The following SYCP2L variants were observed in gnomAD, a reference collection of about 807,000 sequenced individuals.
The protein encoded by SYCP2L is synaptonemal complex protein 2-like.
In SYCP2L, 98 loss-of-function variants were observed where a neutral mutation model predicts 125.8. The observed-to-expected ratio is 0.78, with a 90% CI of 0.66 to 0.92. The LOEUF is 0.92. Among genes scored for constraint, SYCP2L ranks in the 40% least tolerant of loss-of-function variants. The pLI is 0.00. For synonymous variants in SYCP2L, 317 were observed against 325.4 expected (o/e 0.97, Z 0.28); for missense variants, 842 against 936.4 (o/e 0.90, Z 1.32).
At chr6:10,946,212 G>T (rs567877011) in intron 23 of SYCP2L, among the ~76,000 whole-genome samples, 97 of 151,598 alleles carry the variant, frequency 6.4e-4, no homozygotes, top group Non-Finnish European at 9.9e-4. Context: ...TATTTTTATT[G>T]TATTTTTTAC....
In SYCP2L at chr6:10,891,659, G is replaced by GTA. The variant is rs1452122864; in HGVS notation, c.78+79_78+80insAT. On this transcript the variant is annotated intron_variant, in intron 2 of 29. Coordinates refer to ENST00000283141, the MANE Select transcript of SYCP2L (RefSeq NM_001040274.3). Reference sequence around the variant, plus strand: ...TGTGTGTGTGTGTGTGTGTGTGTGTGTGTGTATGTGTATATGAGTGTATGT... The same window carrying GTA: ...TGTGTGTGTGTGTGTGTGTGTGTGTGTATGTGTATGTGTATATGAGTGTATGT... 2,066 of 689,482 alleles carry GTA rather than the reference G, an allele frequency of 3.0e-3. 7 individuals carry two copies. Among genetic ancestry groups the GTA allele is most frequent in the East Asian group, 7.5e-3 (242 of 32,384 alleles). 42.7% of individuals were successfully genotyped at this position (689,482 alleles called of 1,614,324 possible).
At chr6:10,900,323 G>C (rs1014716809) in intron 6 of SYCP2L, among the ~76,000 whole-genome samples, 2 of 144,884 alleles carry the variant, frequency 1.4e-5, no homozygotes, top group African/African-American at 5.6e-5. Context: ...TGGACAGAGA[G>C]CCAGAGCCAG....
intron 10 of SYCP2L, 126 bp from the exon 11 acceptor site, chr6:10,910,022 A>T (rs954847845): frequency 3.0e-5 from 20 of 677,134 alleles, no homozygotes; most frequent in Non-Finnish European, 4.3e-5. Flanking sequence ...AATCCTTGTA[A>T]AGCCTCATTG....
intron 1 of SYCP2L, 70 bp from the exon 2 acceptor site, chr6:10,891,439 GCTTT>G: frequency 2.7e-6 from 1 of 376,102 alleles, no homozygotes; most frequent in Non-Finnish European, 3.9e-6. Flanking sequence ...TTTTTTTTTT[GCTTT>G]GTGTTTAAAA....
rs991498835 is a variant in SYCP2L at position 10,941,252 on chromosome 6, C to T, written c.1814-1207C>T. Among the ~76,000 whole-genome samples, 23 of 152,266 alleles carry T rather than the reference C, an allele frequency of 1.5e-4. No homozygotes were observed. The East Asian group carries it at 1.7e-3, about 11-fold the overall frequency. ...AGGACACAGGCATGGGCAAGGACTT[C>T]GTGTCTAAAACACCAAAAGCAATGG... On this transcript the variant is annotated intron_variant, in intron 21 of 29. Coordinates refer to ENST00000283141, the MANE Select transcript of SYCP2L (RefSeq NM_001040274.3).
intron 23 of SYCP2L, among the ~76,000 whole-genome samples, chr6:10,944,583 A>T (rs1322629655): frequency 6.6e-6 from 1 of 152,076 alleles, no homozygotes; most frequent in African/African-American, 2.4e-5. Context: ...ACCTACCAAA[A>T]AGATATTATA....
chr6:10,919,422 T>C (rs1780750830), intron 14 of SYCP2L, among the ~76,000 whole-genome samples: 1 of 152,180 alleles, frequency 6.6e-6, no homozygotes, highest in South Asian at 2.1e-4. Flanking sequence ...TCCTGTGATG[T>C]GAACTGTCTA....
At chr6:10,960,741 C>G (rs575906665) in intron 26 of SYCP2L, among the ~76,000 whole-genome samples, 2 of 149,872 alleles carry the variant, frequency 1.3e-5, no homozygotes, top group African/African-American at 2.5e-5. Context: ...TCCTTTTGTT[C>G]TCTACTAAAA....
chr6:10,961,794 C>G (rs1781598485), intron 28 of SYCP2L, among the ~76,000 whole-genome samples: 1 of 151,896 alleles, frequency 6.6e-6, no homozygotes, highest in Non-Finnish European at 1.5e-5. Context: ...TTTTTAAAAT[C>G]CCAATTTTTT....
chr6:10,956,908 C>T (rs1415963986), intron 25 of SYCP2L, among the ~76,000 whole-genome samples: 3 of 152,116 alleles, frequency 2.0e-5, no homozygotes, highest in Non-Finnish European at 2.9e-5. Flanking sequence ...TTCACTCTAA[C>T]CTTGAACTCT....
chr6:10,906,504 G>C (rs900856349), intron 9 of SYCP2L, among the ~76,000 whole-genome samples: 8 of 151,930 alleles, frequency 5.3e-5, no homozygotes, highest in African/African-American at 1.9e-4. Flanking sequence ...TTTACCCTTA[G>C]AATTGTTTGA....
Position 10,887,124 on chromosome 6 carries a change from G to T in SYCP2L, c.-3G>T. On this transcript the variant is annotated 5_prime_UTR_variant, in exon 1 of 30. Coordinates refer to ENST00000283141, the MANE Select transcript of SYCP2L (RefSeq NM_001040274.3). ...GTCGCTTCAGGAACGAAGAAGCCTC[G>T]TTATGCAAGCGGTGAGTGACCCCCG... The T allele has an allele frequency of 6.2e-7, 1 of 1,614,126 alleles. No homozygotes were observed. The highest frequency in any genetic ancestry group is 8.5e-7 in the Non-Finnish European group (1 of 1,179,990).
intron 28 of SYCP2L, among the ~76,000 whole-genome samples, chr6:10,962,714 A>T (rs1781616154): frequency 6.6e-6 from 1 of 152,220 alleles, no homozygotes. Context: ...ACTTTTCAGA[A>T]CAAGAAGCAT....
intron 2 of SYCP2L, among the ~76,000 whole-genome samples, chr6:10,892,720 G>C (rs946350): frequency 0.59 from 89,332 of 152,036 alleles, 26,528 homozygotes; most frequent in South Asian, 0.74. Context: ...TCTCAGGACC[G>C]TGGTAAGGAT....
At chr6:10,921,730 G>T (rs1780802832) in intron 14 of SYCP2L, among the ~76,000 whole-genome samples, 1 of 150,864 alleles carries the variant, frequency 6.6e-6, no homozygotes, top group Non-Finnish European at 1.5e-5. Context: ...TTTTGAGATG[G>T]AGTCTCGCTC....
Position 10,909,116 on chromosome 6 carries a change from A to ATTTTTTTT in SYCP2L, c.820-1014_820-1007dup, listed in dbSNP as rs67767345. Among the ~76,000 whole-genome samples, 236 of 94,850 alleles carry ATTTTTTTT rather than the reference A, an allele frequency of 2.5e-3. 11 individuals are homozygous for ATTTTTTTT. Among genetic ancestry groups the ATTTTTTTT allele is most frequent in the African/African-American group, 0.01 (211 of 20,816 alleles). 62.2% of individuals were successfully genotyped at this position (94,850 alleles called of 152,430 possible). On this transcript the variant is annotated intron_variant, in intron 10 of 29. Coordinates refer to ENST00000283141, the MANE Select transcript of SYCP2L (RefSeq NM_001040274.3). ...CCAGAGCTATCAACTTCTCAATTGAATTTTTTTTTTTTTTTTTTTTTTTTT... is the reference window on the plus strand; with the variant it reads ...CCAGAGCTATCAACTTCTCAATTGAATTTTTTTTTTTTTTTTTTTTTTTTTTTTTTTTT...
chr6:10,919,963 A>G (rs9461310), intron 14 of SYCP2L, among the ~76,000 whole-genome samples: 46,682 of 151,920 alleles, frequency 0.31, 7,687 homozygotes, highest in East Asian at 0.54. Flanking sequence ...TTTGCAGGCA[A>G]TGGGTGAGCA....
intron 5 of SYCP2L, 147 bp from the exon 6 acceptor site, chr6:10,898,677 G>T: frequency 1.6e-6 from 1 of 627,692 alleles, no homozygotes; most frequent in South Asian, 1.7e-5. Context: ...AAGTGATTAA[G>T]GCCCAGATAG....
In SYCP2L at chr6:10,915,306, C is replaced by T. The variant is rs776333037; in HGVS notation, c.1072+2379C>T. On this transcript the variant is annotated intron_variant, in intron 14 of 29. Coordinates refer to ENST00000283141, the MANE Select transcript of SYCP2L (RefSeq NM_001040274.3). Reference sequence around the variant, plus strand: ...CTTCCTCTTTACCAATTTGGATGCCCTTTATTTCTGTCTCTTGTCTGATTG... The same window carrying T: ...CTTCCTCTTTACCAATTTGGATGCCTTTTATTTCTGTCTCTTGTCTGATTG... 2.0e-5 allele frequency among the ~76,000 whole-genome samples: 3 copies of T among 152,224 alleles called. No homozygotes were observed. The South Asian group carries it at 6.2e-4, about 32-fold the overall frequency.
Sources: gnomAD v4.1 joint callset for allele counts (sites outside exome capture counted in the v4.1 genomes callset) on GRCh38, gnomAD v4.1.1 for gene constraint, MANE v1.5 for transcripts, NCBI Gene and HGNC (gene_info 2026-07-23, HGNC 2026-07-21) for gene names.